Variants in PRKG1 observed in about 807,000 individuals in gnomAD.
PRKG1 encodes the protein protein kinase cGMP-dependent 1, also known as cGMP-dependent protein kinase 1.
Under a neutral mutation model 88.1 loss-of-function variants are expected in PRKG1, and 35 were observed. The ratio of observed to expected loss-of-function variants is 0.40; its 90% confidence interval spans 0.30 to 0.53. The LOEUF is 0.53. PRKG1 is among the 20% of genes least tolerant of loss of function. The pLI is 0.59. For synonymous variants in PRKG1, 303 were observed against 292.5 expected (o/e 1.04, Z -0.37); for missense variants, 540 against 839.8 (o/e 0.64, Z 4.41).
chr10:52,052,525 G>A (rs1393478274), intron 5 of PRKG1, among the ~76,000 whole-genome samples: 1 of 152,026 alleles, frequency 6.6e-6, no homozygotes, highest in Non-Finnish European at 1.5e-5. Flanking sequence ...CATACTGTTG[G>A]TAAAGACATC....
At chr10:51,380,835 T>C (rs1837066084) in intron 2 of PRKG1, among the ~76,000 whole-genome samples, 1 of 152,056 alleles carries the variant, frequency 6.6e-6, no homozygotes, top group African/African-American at 2.4e-5. Context: ...ATAATGAAAC[T>C]TAGGCGACGT....
At chr10:51,792,256 T>C (rs1299641181) in intron 3 of PRKG1, among the ~76,000 whole-genome samples, 1 of 152,144 alleles carries the variant, frequency 6.6e-6, no homozygotes, top group Non-Finnish European at 1.5e-5. Flanking sequence ...GACTCCTCCT[T>C]TCACTCTTGA....
At chr10:51,832,658 A>AT (rs1480225869) in intron 4 of PRKG1, among the ~76,000 whole-genome samples, 2 of 152,140 alleles carry the variant, frequency 1.3e-5, no homozygotes, top group Non-Finnish European at 2.9e-5. Flanking sequence ...AAGCATGTAC[A>AT]TTTTTTATGT....
intron 3 of PRKG1, among the ~76,000 whole-genome samples, chr10:51,738,451 A>G (rs1045192485): frequency 7.2e-5 from 11 of 152,244 alleles, no homozygotes; most frequent in African/African-American, 2.7e-4. Flanking sequence ...AGATGGGCAT[A>G]GTAATAATTC....
chr10:51,206,231 G>A (rs1838055978), intron 2 of PRKG1, among the ~76,000 whole-genome samples: 1 of 151,788 alleles, frequency 6.6e-6, no homozygotes, highest in Admixed American at 6.6e-5. Context: ...GTGGTTCACG[G>A]CTGTAATCCC....
At chr10:51,075,084 C>A (rs1354580896) in intron 1 of PRKG1, among the ~76,000 whole-genome samples, 183 bp downstream of exon 1, 3 of 152,220 alleles carry the variant, frequency 2.0e-5, no homozygotes, top group Non-Finnish European at 4.4e-5. Context: ...AGACTCACTG[C>A]ACATACGTTG....
chr10:52,107,032 T>G (rs892621642), intron 7 of PRKG1, among the ~76,000 whole-genome samples: 1 of 152,184 alleles, frequency 6.6e-6, no homozygotes, highest in Non-Finnish European at 1.5e-5. Context: ...GTCCTGATCC[T>G]CCATAGTCAG....
At chr10:51,129,943 TGGA>T (rs2080062098) in intron 1 of PRKG1, among the ~76,000 whole-genome samples, 1 of 152,096 alleles carries the variant, frequency 6.6e-6, no homozygotes, top group African/African-American at 2.4e-5. Flanking sequence ...ACTGCTGGTG[TGGA>T]GGATAGAGAG....
intron 7 of PRKG1, among the ~76,000 whole-genome samples, chr10:52,099,050 T>C (rs546432967): frequency 3.3e-5 from 5 of 152,290 alleles, no homozygotes; most frequent in Middle Eastern, 6.8e-3. Context: ...TCTTAAACAA[T>C]TTTAGTAAGG....
At chr10:51,925,519 T>G (rs544470297) in intron 5 of PRKG1, among the ~76,000 whole-genome samples, 13 of 152,266 alleles carry the variant, frequency 8.5e-5, no homozygotes, top group African/African-American at 3.1e-4. Flanking sequence ...GGAACTGGAC[T>G]GGGTATTTGC....
chr10:51,596,868 T>TA (rs1838462270), intron 3 of PRKG1, among the ~76,000 whole-genome samples: 1 of 152,192 alleles, frequency 6.6e-6, no homozygotes. Flanking sequence ...AAATAATGGC[T>TA]AACAGTGGCC....
chr10:51,951,850 G>A (rs898659601), intron 5 of PRKG1, among the ~76,000 whole-genome samples: 2 of 152,238 alleles, frequency 1.3e-5, no homozygotes, highest in South Asian at 4.1e-4. Flanking sequence ...CAGCATGCCT[G>A]TTTTTGTATG....
chr10:51,868,088 C>G (rs1408795758), intron 4 of PRKG1, among the ~76,000 whole-genome samples: 1 of 152,080 alleles, frequency 6.6e-6, no homozygotes, highest in Non-Finnish European at 1.5e-5. Flanking sequence ...TGGAGAATGT[C>G]TATCAGCTGA....
intron 5 of PRKG1, among the ~76,000 whole-genome samples, chr10:51,914,063 T>A (rs942266352): frequency 1.3e-5 from 2 of 152,152 alleles, no homozygotes; most frequent in African/African-American, 4.8e-5. Flanking sequence ...ACAAGCTAAC[T>A]CATTTTCTTT....
chr10:51,278,825 C>T (rs1477931092), intron 2 of PRKG1, among the ~76,000 whole-genome samples: 1 of 151,982 alleles, frequency 6.6e-6, no homozygotes. Flanking sequence ...TTTATTGCGT[C>T]TATTTGATTC....
At chr10:51,565,927 A>T (rs1837591701) in intron 3 of PRKG1, among the ~76,000 whole-genome samples, 1 of 152,232 alleles carries the variant, frequency 6.6e-6, no homozygotes, top group African/African-American at 2.4e-5. Context: ...TGTTCTTTCA[A>T]ACTGGGTTCT....
At chr10:52,095,096 T>A (rs1847143228) in intron 7 of PRKG1, among the ~76,000 whole-genome samples, 1 of 152,170 alleles carries the variant, frequency 6.6e-6, no homozygotes, top group South Asian at 2.1e-4. Context: ...TATCTGCACC[T>A]CTGCCCCTGC....
chr10:50,995,883 C>A lies in PRKG1; in HGVS notation c.266+4239C>A, dbSNP rs145607692. Among the ~76,000 whole-genome samples, 27 of 152,330 alleles carry A rather than the reference C, an allele frequency of 1.8e-4. No individual in the cohort carries two copies. The East Asian group carries it at 5.0e-3, about 28-fold the overall frequency. On this transcript the variant is annotated intron_variant, in intron 1 of 17. Coordinates refer to the PRKG1 transcript ENST00000401604. ...GTAAATTGATCATTTGGAACTGGAA[C>A]TTCCTTTCACTGGGGCATGGATGCC...
intron 9 of PRKG1, among the ~76,000 whole-genome samples, chr10:52,204,456 G>A (rs992751121): frequency 2.0e-5 from 3 of 152,146 alleles, no homozygotes; most frequent in Non-Finnish European, 2.9e-5. Flanking sequence ...CAGGGACCCC[G>A]AATGGAGGGA....
Sources: allele counts gnomAD v4.1 joint callset (sites outside exome capture counted in the v4.1 genomes callset), GRCh38; gene constraint gnomAD v4.1.1; transcripts MANE v1.5; gene names NCBI Gene and HGNC (gene_info 2026-07-23, HGNC 2026-07-21).